Variants in KAZN observed in about 807,000 individuals in gnomAD.
The protein encoded by KAZN is kazrin.
KAZN carries 40 observed loss-of-function variants against 87.4 expected under a neutral mutation model. The observed-to-expected ratio is 0.46, with a 90% CI of 0.36 to 0.60. The LOEUF (loss-of-function observed/expected upper bound fraction) is 0.60, where lower values mean the gene tolerates loss of function less well. Ranked by LOEUF, KAZN falls within the 20% of genes least tolerant of loss-of-function variation. The pLI, the probability that KAZN is intolerant of heterozygous loss-of-function variation, is 0.00. For synonymous variants in KAZN, 466 were observed against 458.3 expected (o/e 1.02, Z -0.22); for missense variants, 898 against 1,073.9 (o/e 0.84, Z 2.29).
intron 1 of KAZN, among the ~76,000 whole-genome samples, chr1:14,047,185 C>T (rs1203917426): frequency 6.6e-6 from 1 of 152,178 alleles, no homozygotes; most frequent in Non-Finnish European, 1.5e-5. Flanking sequence ...TCCTGGTGCT[C>T]TTCACTGGTA....
rs565692211 is a variant in KAZN at position 14,848,315 on chromosome 1, G to A, written c.227-112369G>A. ...AAGGGGAAGCTGCCAGAGTTAAGGA[G>A]ACTCAGTTCTAGCTCTGCCTCTGAT... On this transcript the variant is annotated intron_variant, in intron 1 of 14. Transcript: ENST00000376030. Among the ~76,000 whole-genome samples the A allele has an allele frequency of 4.6e-5, 7 of 152,318 alleles. No homozygotes were observed. In the South Asian group the frequency reaches 1.5e-3, roughly 32 times the overall value.
chr1:14,181,353 G>C (rs1646193986), intron 2 of KAZN, among the ~76,000 whole-genome samples: 1 of 152,228 alleles, frequency 6.6e-6, no homozygotes, highest in Non-Finnish European at 1.5e-5. Flanking sequence ...TTCTTCCTGA[G>C]CTTGTTTTCT....
intron 14 of KAZN, chr1:15,114,269 C>A (rs190044804): frequency 6.2e-5 from 33 of 529,880 alleles, no homozygotes; most frequent in Non-Finnish European, 6.8e-6. Context: ...CAGGGGGACA[C>A]AAAGCTCTCC....
At chr1:13,895,991 A>ATT (rs34519972) in intron 1 of KAZN, among the ~76,000 whole-genome samples, 262 of 150,048 alleles carry the variant, frequency 1.7e-3, no homozygotes, top group African/African-American at 5.2e-3. Context: ...AATTTTCATA[A>ATT]TTTTTTTTTT....
intron 2 of KAZN, among the ~76,000 whole-genome samples, chr1:14,298,725 G>T (rs796558281): frequency 2.5e-4 from 38 of 152,322 alleles, no homozygotes; most frequent in African/African-American, 8.9e-4. Context: ...GGAAATGTGG[G>T]GGAGAGAGTC....
chr1:14,536,831 G>A (rs1418233166), intron 2 of KAZN, among the ~76,000 whole-genome samples: 2 of 151,888 alleles, frequency 1.3e-5, no homozygotes, highest in Non-Finnish European at 2.9e-5. Context: ...GCAGTGAGCC[G>A]AGATCACGCC....
intron 1 of KAZN, among the ~76,000 whole-genome samples, chr1:14,128,717 G>C (rs906267408): frequency 2.0e-5 from 3 of 152,058 alleles, no homozygotes; most frequent in Admixed American, 2.0e-4. Context: ...ATGAATTTGG[G>C]GGGTGAGGAG....
intron 2 of KAZN, among the ~76,000 whole-genome samples, chr1:14,382,335 A>G (rs1329627835): frequency 6.6e-6 from 1 of 152,024 alleles, no homozygotes; most frequent in Non-Finnish European, 1.5e-5. Context: ...TTTTTATTAT[A>G]CTTTTAAGTT....
chr1:14,783,531 G>A (rs1645417652), intron 1 of KAZN, among the ~76,000 whole-genome samples: 1 of 152,148 alleles, frequency 6.6e-6, no homozygotes, highest in African/African-American at 2.4e-5. Flanking sequence ...GCCACGTCCT[G>A]GGCTAGACCC....
intron 1 of KAZN, among the ~76,000 whole-genome samples, chr1:14,877,156 G>A (rs937146694): frequency 7.9e-5 from 12 of 152,068 alleles, no homozygotes; most frequent in African/African-American, 1.7e-4. Flanking sequence ...GCACTCTCTC[G>A]GACTCTCTTG....
intron 1 of KAZN, among the ~76,000 whole-genome samples, chr1:14,772,947 C>A (rs902408835): frequency 6.6e-6 from 1 of 151,926 alleles, no homozygotes; most frequent in African/African-American, 2.4e-5. Context: ...TGTGAGGGGC[C>A]CAGGCAGCTT....
At chr1:14,165,183 C>G (rs116084569) in intron 1 of KAZN, among the ~76,000 whole-genome samples, 1 of 151,610 alleles carries the variant, frequency 6.6e-6, no homozygotes, top group Non-Finnish European at 1.5e-5. Context: ...CTATGGCTTT[C>G]AACTTTCCTG....
chr1:14,258,627 C>T (rs1180615633), intron 2 of KAZN, among the ~76,000 whole-genome samples: 1 of 152,094 alleles, frequency 6.6e-6, no homozygotes, highest in African/African-American at 2.4e-5. Flanking sequence ...AATGCATTGG[C>T]GAGTTAAGCT....
At chr1:14,311,868 C>T (rs1655329738) in intron 2 of KAZN, among the ~76,000 whole-genome samples, 1 of 151,988 alleles carries the variant, frequency 6.6e-6, no homozygotes, top group Admixed American at 6.6e-5. Flanking sequence ...GACCATGTGG[C>T]TAATAAACTT....
Position 14,436,734 on chromosome 1 carries a change from A to AAAC in KAZN, c.250-162247_250-162246insCAA, listed in dbSNP as rs1553172283. On this transcript the variant is annotated intron_variant, in intron 2 of 16. Coordinates refer to the KAZN transcript ENST00000636203. ...CTCTGTCTCAAAAAAAAAAAAAAAA[A>AAAC]AAAACCTTAAAACAATCCTGAGAGG... 8.0e-4 allele frequency among the ~76,000 whole-genome samples: 110 copies of AAAC among 137,190 alleles called. 1 individual carries two copies. Among genetic ancestry groups the AAAC allele is most frequent in the East Asian group, 1.1e-3 (5 of 4,632 alleles). 90.0% of individuals were successfully genotyped at this position (137,190 alleles called of 152,430 possible).
At chr1:14,106,502 T>C (rs1199677403) in intron 1 of KAZN, among the ~76,000 whole-genome samples, 1 of 152,118 alleles carries the variant, frequency 6.6e-6, no homozygotes, top group East Asian at 1.9e-4. Context: ...CTGTATCCTT[T>C]AGTGGTCAAA....
chr1:14,625,235 G>T (rs1679051234), intron 1 of KAZN, among the ~76,000 whole-genome samples: 1 of 152,050 alleles, frequency 6.6e-6, no homozygotes, highest in Non-Finnish European at 1.5e-5. Flanking sequence ...TTAAGCTTCA[G>T]TACACAGTTC....
At chr1:14,308,256 G>A (rs1655061751) in intron 2 of KAZN, among the ~76,000 whole-genome samples, 1 of 152,134 alleles carries the variant, frequency 6.6e-6, no homozygotes, top group Admixed American at 6.5e-5. Context: ...TATGGACTGT[G>A]AGTTAGATAG....
At chr1:14,939,012 G>T (rs541997055) in intron 1 of KAZN, among the ~76,000 whole-genome samples, 1 of 152,252 alleles carries the variant, frequency 6.6e-6, no homozygotes, top group East Asian at 1.9e-4. Flanking sequence ...TCACTCAGTT[G>T]CCCAGGCTGG....
Sources: allele counts gnomAD v4.1 joint callset (sites outside exome capture counted in the v4.1 genomes callset), GRCh38; gene constraint gnomAD v4.1.1; transcripts MANE v1.5; gene names NCBI Gene and HGNC (gene_info 2026-07-23, HGNC 2026-07-21).